Variants in KCNQ1 observed in about 807,000 individuals in gnomAD.
The protein encoded by KCNQ1 is potassium voltage-gated channel subfamily Q member 1, also known as potassium voltage-gated channel subfamily KQT member 1.
Under a neutral mutation model 72.4 loss-of-function variants are expected in KCNQ1, and 49 were observed. That is an observed-to-expected ratio of 0.68 (90% CI 0.54 to 0.86). The LOEUF is 0.86. KCNQ1 is among the 40% of genes least tolerant of loss of function. The pLI, the probability that KCNQ1 is intolerant of heterozygous loss-of-function variation, is 0.00. For missense variants in KCNQ1, 790 were observed against 945.1 expected, an observed-to-expected ratio of 0.84 and a Z score of 2.15; for synonymous variants, 450 against 412.6, an observed-to-expected ratio of 1.09 and a Z score of -1.10.
At chr11:2,812,645 A>G (rs1426025508) in intron 15 of KCNQ1, among the ~76,000 whole-genome samples, 1 of 152,084 alleles carries the variant, frequency 6.6e-6, no homozygotes, top group Non-Finnish European at 1.5e-5. Flanking sequence ...AGCCAGAGGG[A>G]CTTTAAAACA....
intron 6 of KCNQ1, among the ~76,000 whole-genome samples, chr11:2,573,223 G>T (rs1032805790): frequency 2.0e-5 from 3 of 152,198 alleles, no homozygotes; most frequent in African/African-American, 7.2e-5. Flanking sequence ...CCTTGAACTT[G>T]AGATTTGAGA....
Position 2,848,412 on chromosome 11 carries a change from C to A in KCNQ1, c.*409C>A. 2.1e-6 allele frequency: 1 copy of A among 479,194 alleles called. No individual in the cohort carries two copies. The highest frequency in any genetic ancestry group is 4.1e-6 in the Non-Finnish European group (1 of 243,714). 29.7% of individuals were successfully genotyped at this position (479,194 alleles called of 1,614,324 possible). A position where few individuals can be genotyped will look rare whatever the true frequency, so the allele number is the denominator to read the frequency against. On this transcript the variant is annotated 3_prime_UTR_variant, in exon 16 of 16. Transcript: ENST00000155840. The stretch of plus-strand genomic sequence containing the variant: ...GAGGGGAGACAGAGCAACCCCTGGA[C>A]CCCAGCCTCAAATCCAGGACCCTGC...
chr11:2,675,029 G>T (rs1850267838), intron 11 of KCNQ1: 5 of 398,516 alleles, frequency 1.3e-5, no homozygotes, highest in Admixed American at 4.4e-5. Context: ...CTCTGCCAGA[G>T]CCCAGGTGGG....
chr11:2,768,856 C>T lies in KCNQ1; in HGVS notation c.1527C>T (p.His509=), dbSNP rs756303877. ...CTCTCCACTGCAGGCTGCGGGAACA[C>T]CATCGGGCCACCATTAAGGTCATTC... ...PITHISQLRE[H]HRATIKVIRR... is the part of the protein sequence containing the mutation. Residue 509 remains histidine (H), a synonymous_variant, in exon 12 of 16, where the codon CAC becomes CAT. Coordinates refer to ENST00000155840, the MANE Select transcript of KCNQ1 (RefSeq NM_000218.3). This position sits in a 1 kb window ranked among gnomAD's most constrained non-coding sequence, Gnocchi z 6.7. 6.2e-7 allele frequency: 1 copy of T among 1,614,020 alleles called. No homozygotes were observed. The highest frequency in any genetic ancestry group is 1.1e-5 in the South Asian group (1 of 91,080).
In KCNQ1 at chr11:2,445,568, C is replaced by T; in HGVS notation, c.386+84C>T. 3 of 1,480,196 alleles carry T rather than the reference C, an allele frequency of 2.0e-6. No homozygotes were observed. In the South Asian group the frequency reaches 3.6e-5, roughly 18 times the overall value. 91.7% of individuals were successfully genotyped at this position (1,480,196 alleles called of 1,614,324 possible). A position where few individuals can be genotyped will look rare whatever the true frequency, so the allele number is the denominator to read the frequency against. On this transcript the variant is annotated intron_variant, in intron 1 of 15. Transcript: ENST00000155840. ...GGAGCTCTGTCCCAGCGCCACCTGC[C>T]CCGTCGGAGCTGCGACCCCGGAGCA... is the stretch of plus-strand genomic sequence containing the variant.
intron 10 of KCNQ1, chr11:2,628,545 G>C (rs961837941): frequency 1.3e-4 from 53 of 398,278 alleles, no homozygotes; most frequent in Admixed American, 7.0e-4. Context: ...GATATTAATA[G>C]CTTATCAGAT....
intron 1 of KCNQ1, among the ~76,000 whole-genome samples, chr11:2,470,784 C>G (rs1239022239): frequency 6.6e-6 from 1 of 152,006 alleles, no homozygotes; most frequent in Non-Finnish European, 1.5e-5. Context: ...GATCAATCCT[C>G]CCACCTCAGC....
In KCNQ1 at chr11:2,495,540, T is replaced by G. The variant is rs1286457529; in HGVS notation, c.387-32388T>G. Reference sequence around the variant, plus strand: ...CCAGAAATTCTGGTACGTTGTCTCTTTGTTTTCATTTGTTTCAAAGAATTT... The same window carrying G: ...CCAGAAATTCTGGTACGTTGTCTCTGTGTTTTCATTTGTTTCAAAGAATTT... On this transcript the variant is annotated intron_variant, in intron 1 of 15. Transcript: ENST00000155840. The surrounding 1 kb of genome is among the most constrained non-coding windows in gnomAD (Gnocchi z 4.6). Among the ~76,000 whole-genome samples the G allele has an allele frequency of 6.6e-6, 1 of 152,236 alleles. No individual in the cohort carries two copies. The highest frequency in any genetic ancestry group is 1.5e-5 in the Non-Finnish European group (1 of 68,036).
rs570554610 is a variant in KCNQ1, at chr11:2,769,837, C to T, written c.1590+918C>T. On this transcript the variant is annotated intron_variant, in intron 12 of 15. Coordinates refer to ENST00000155840, the MANE Select transcript of KCNQ1 (RefSeq NM_000218.3). This position sits in a 1 kb window ranked among gnomAD's most constrained non-coding sequence, Gnocchi z 4.6. The stretch of plus-strand genomic sequence containing the variant: ...GGGCTTCTGAGCTGGGGGCCCCTGG[C>T]ACCTCAGCCACAGCCTCACCAGTCA... Among the ~76,000 whole-genome samples, 1 of 152,114 alleles carries T rather than the reference C, an allele frequency of 6.6e-6. No homozygotes were observed. Among genetic ancestry groups the T allele is most frequent in the Admixed American group, 6.5e-5 (1 of 15,280 alleles).
chr11:2,679,173 G>A lies in KCNQ1; in HGVS notation c.1514+17092G>A, dbSNP rs1850344457. ...TGGGCAGCAGCGACTCAGTTTCCAT[G>A]TCTGAGTTAGGCCACCTGTAACAAT... On this transcript the variant is annotated intron_variant, in intron 11 of 15. Coordinates refer to ENST00000155840, the MANE Select transcript of KCNQ1 (RefSeq NM_000218.3). The surrounding 1 kb of genome is among the most constrained non-coding windows in gnomAD (Gnocchi z 4.8). The A allele has an allele frequency of 5.0e-6, 2 of 398,622 alleles. No homozygotes were observed. The highest frequency in any genetic ancestry group is 2.5e-4 in the South Asian group (2 of 7,850). The allele number at this position is 398,622 out of a possible 1,614,324, so 24.7% of individuals were successfully genotyped here. A position where few individuals can be genotyped will look rare whatever the true frequency, so the allele number is the denominator to read the frequency against.
In KCNQ1 at chr11:2,723,821, G is replaced by C. The variant is rs923862971; in HGVS notation, c.1515-45023G>C. On this transcript the variant is annotated intron_variant, in intron 11 of 15. Transcript: ENST00000155840. The surrounding 1 kb of genome is among the most constrained non-coding windows in gnomAD (Gnocchi z 4.2). ...GGTGCACATGTACTCCAGCCTCTCT[G>C]TGTCCCATTTGCTCATGACATGGTG... 2.0e-5 allele frequency among the ~76,000 whole-genome samples: 3 copies of C among 152,204 alleles called. No homozygotes were observed. The highest frequency in any genetic ancestry group is 4.4e-5 in the Non-Finnish European group (3 of 68,032).
In KCNQ1 at chr11:2,626,342, C is replaced by G; in HGVS notation, c.1394-35619C>G. ...TGGTATTAGGTAAGGGTCTCAACTT[C>G]AGTTATCCTGGCACCATTTGTTGAA... is the stretch of plus-strand genomic sequence containing the variant. On this transcript the variant is annotated intron_variant, in intron 10 of 15. Coordinates refer to ENST00000155840, the MANE Select transcript of KCNQ1 (RefSeq NM_000218.3). The surrounding 1 kb of genome is among the most constrained non-coding windows in gnomAD (Gnocchi z 4.0). The G allele has an allele frequency of 2.5e-6, 1 of 398,592 alleles. No individual in the cohort carries two copies. Among genetic ancestry groups the G allele is most frequent in the Non-Finnish European group, 4.4e-6 (1 of 226,064 alleles). The allele number at this position is 398,592 out of a possible 1,614,324, so 24.7% of individuals were successfully genotyped here.
intron 12 of KCNQ1, among the ~76,000 whole-genome samples, chr11:2,774,009 G>C (rs769986883): frequency 3.9e-5 from 6 of 151,940 alleles, no homozygotes; most frequent in South Asian, 4.1e-4. Context: ...ACAGAGACAG[G>C]GTTCAGCATC....
In KCNQ1 at chr11:2,606,892, A is replaced by ATTTTTT. The variant is rs869121696; in HGVS notation, c.1393+18061_1393+18066dup. 8.5e-5 allele frequency among the ~76,000 whole-genome samples: 7 copies of ATTTTTT among 82,766 alleles called. 1 individual carries two copies. The highest frequency in any genetic ancestry group is 2.1e-4 in the African/African-American group (4 of 18,948). 54.3% of individuals were successfully genotyped at this position (82,766 alleles called of 152,430 possible). On this transcript the variant is annotated intron_variant, in intron 10 of 15. Transcript: ENST00000155840. The stretch of plus-strand genomic sequence containing the variant: ...ACTGTTAAGTATGATATTATCTGTG[A>ATTTTTT]TTTTTTTTTTTTTTTTTTTTTTTTT...
In KCNQ1 at chr11:2,551,551, T is replaced by C. The variant is rs528267777; in HGVS notation, c.478-19077T>C. Among the ~76,000 whole-genome samples, 10 of 152,402 alleles carry C rather than the reference T, an allele frequency of 6.6e-5. No individual in the cohort carries two copies. The South Asian group carries it at 1.0e-3, about 16-fold the overall frequency. ...AGTTTTCAGCTGTTATGATTAAAGC[T>C]GCCATGAATATTGCGTGCAGTTTTT... On this transcript the variant is annotated intron_variant, in intron 2 of 15. Coordinates refer to ENST00000155840, the MANE Select transcript of KCNQ1 (RefSeq NM_000218.3).
In KCNQ1 at chr11:2,642,972, G is replaced by A; in HGVS notation, c.1394-18989G>A. The A allele has an allele frequency of 2.5e-6, 1 of 397,796 alleles. No homozygotes were observed. The highest frequency in any genetic ancestry group is 2.1e-5 in the African/African-American group (1 of 48,696). The allele number at this position is 397,796 out of a possible 1,614,324, so 24.6% of individuals were successfully genotyped here. On this transcript the variant is annotated intron_variant, in intron 10 of 15. Transcript: ENST00000155840. This position sits in a 1 kb window ranked among gnomAD's most constrained non-coding sequence, Gnocchi z 4.3. ...TCCATTTATTTATACAGTTTTGAAT[G>A]CTCCTCTTATTTATTTATAGTTTTA...
At chr11:2,586,546 G>C (rs1848594861) in intron 8 of KCNQ1, among the ~76,000 whole-genome samples, 2 of 152,180 alleles carry the variant, frequency 1.3e-5, no homozygotes, top group Non-Finnish European at 2.9e-5. Flanking sequence ...TGCACACACT[G>C]TGGGAGGACT....
At position 2,695,207 on chromosome 11, in the gene KCNQ1, G is replaced by A. The variant is rs1191286267; in HGVS notation, c.1514+33126G>A. 2.5e-6 allele frequency: 1 copy of A among 398,522 alleles called. No individual in the cohort carries two copies. Among genetic ancestry groups the A allele is most frequent in the Non-Finnish European group, 4.4e-6 (1 of 226,112 alleles). The allele number at this position is 398,522 out of a possible 1,614,324, so 24.7% of individuals were successfully genotyped here. A position where few individuals can be genotyped will look rare whatever the true frequency, so the allele number is the denominator to read the frequency against. ...TCAGCCTATGAAACACTGTCACCCT[G>A]TAAGGGTCTGCATAAAGTCACCGCT... On this transcript the variant is annotated intron_variant, in intron 11 of 15. Transcript: ENST00000155840. The surrounding 1 kb of genome is among the most constrained non-coding windows in gnomAD (Gnocchi z 5.2).
chr11:2,521,091 C>T (rs56331974), intron 1 of KCNQ1, among the ~76,000 whole-genome samples: 31,383 of 151,848 alleles, frequency 0.21, 3,719 homozygotes, highest in East Asian at 0.45. Context: ...CACAATTTAC[C>T]GTCTTAACTC....
Sources: allele counts gnomAD v4.1 joint callset (sites outside exome capture counted in the v4.1 genomes callset), GRCh38; gene constraint gnomAD v4.1.1; non-coding constraint Gnocchi (gnomAD v3.1); transcripts MANE v1.5; gene names NCBI Gene and HGNC (gene_info 2026-07-23, HGNC 2026-07-21).